LHFPL6: variants seen among roughly 807,000 people sequenced by gnomAD.
The protein encoded by LHFPL6 is LHFPL tetraspan subfamily member 6.
Under a neutral mutation model 20.6 loss-of-function variants are expected in LHFPL6, and 9 were observed. The ratio of observed to expected loss-of-function variants is 0.44; its 90% CI spans 0.26 to 0.76. LHFPL6 has a LOEUF of 0.76. Among genes scored for constraint, LHFPL6 ranks in the 30% least tolerant of loss-of-function variants. The pLI, the probability that LHFPL6 is intolerant of heterozygous loss-of-function variation, is 0.20. For missense variants in LHFPL6, 218 were observed against 253.5 expected, an observed-to-expected ratio of 0.86 and a Z score of 0.95; for synonymous variants, 105 against 98.7, an observed-to-expected ratio of 1.06 and a Z score of -0.38.
intron 2 of LHFPL6, among the ~76,000 whole-genome samples, chr13:39,413,982 T>A (rs543958852): frequency 6.6e-6 from 1 of 152,348 alleles, no homozygotes; most frequent in South Asian, 2.1e-4. Context: ...TCCATAGTGA[T>A]GAGTATAATT....
chr13:39,492,983 A>G lies in LHFPL6; in HGVS notation c.385+107849T>C, dbSNP rs1868978367. On this transcript the variant is annotated intron_variant, in intron 2 of 3. Coordinates refer to ENST00000379589, the MANE Select transcript of LHFPL6 (RefSeq NM_005780.3). ...GTGTGAGCCACTGCGCCCGGCCTCA[A>G]TATTCTTCTAAAACAATTTTAATAG... 2.0e-5 allele frequency among the ~76,000 whole-genome samples: 3 copies of G among 151,806 alleles called. No individual in the cohort carries two copies. In the South Asian group the frequency reaches 6.2e-4, roughly 32 times the overall value.
At chr13:39,481,895 G>T (rs952370125) in intron 2 of LHFPL6, among the ~76,000 whole-genome samples, 1 of 152,160 alleles carries the variant, frequency 6.6e-6, no homozygotes, top group Admixed American at 6.5e-5. Context: ...ATTGAAAGTT[G>T]AGAGCTGGAG....
At chr13:39,563,542 A>T (rs952991764) in intron 2 of LHFPL6, among the ~76,000 whole-genome samples, 1 of 152,218 alleles carries the variant, frequency 6.6e-6, no homozygotes, top group Non-Finnish European at 1.5e-5. Flanking sequence ...GTAAAAGCTC[A>T]CAAGTCAGCA....
chr13:39,537,744 G>GCA (rs1870663951), intron 2 of LHFPL6, among the ~76,000 whole-genome samples: 1 of 151,830 alleles, frequency 6.6e-6, no homozygotes, highest in Non-Finnish European at 1.5e-5. Flanking sequence ...CCCAAACAAA[G>GCA]CACAATTATC....
intron 3 of LHFPL6, among the ~76,000 whole-genome samples, chr13:39,349,652 T>C (rs1869506863): frequency 6.6e-6 from 1 of 152,294 alleles, no homozygotes; most frequent in East Asian, 1.9e-4. Flanking sequence ...GATATGTGCT[T>C]TGAAGAAAAA....
At chr13:39,361,677 G>A (rs550816607) in intron 3 of LHFPL6, among the ~76,000 whole-genome samples, 2 of 152,262 alleles carry the variant, frequency 1.3e-5, no homozygotes, top group East Asian at 1.9e-4. Context: ...GTCGCAAACC[G>A]TAAGCATAAA....
chr13:39,448,052 C>T (rs1287404096), intron 2 of LHFPL6, among the ~76,000 whole-genome samples: 2 of 152,180 alleles, frequency 1.3e-5, no homozygotes, highest in African/African-American at 4.8e-5. Flanking sequence ...ATCAATCACA[C>T]ATTCAGAACT....
intron 2 of LHFPL6, among the ~76,000 whole-genome samples, chr13:39,508,497 C>T (rs1273609760): frequency 2.0e-5 from 3 of 152,180 alleles, no homozygotes; most frequent in African/African-American, 7.2e-5. Flanking sequence ...TTCTATACTC[C>T]CCATCCTAGA....
At chr13:39,383,814 A>G (rs1593293025) in intron 2 of LHFPL6, among the ~76,000 whole-genome samples, 1 of 152,180 alleles carries the variant, frequency 6.6e-6, no homozygotes, top group Non-Finnish European at 1.5e-5. Context: ...CCACATTCAC[A>G]CCTGCAGCCA....
chr13:39,443,433 G>T (rs1872192886), intron 2 of LHFPL6, among the ~76,000 whole-genome samples: 1 of 152,138 alleles, frequency 6.6e-6, no homozygotes, highest in Non-Finnish European at 1.5e-5. Flanking sequence ...GAATGGGGTT[G>T]TTACTGTAAC....
chr13:39,539,748 C>A (rs1170917451), intron 2 of LHFPL6, among the ~76,000 whole-genome samples: 1 of 152,148 alleles, frequency 6.6e-6, no homozygotes, highest in African/African-American at 2.4e-5. Flanking sequence ...AGAATGATTT[C>A]CACAAACCCA....
At position 39,362,257 on chromosome 13, in the gene LHFPL6, A is replaced by C. The variant is rs780114412; in HGVS notation, c.484+16171T>G. Among the ~76,000 whole-genome samples, 35 of 152,046 alleles carry C rather than the reference A, an allele frequency of 2.3e-4. 1 individual carries two copies. The highest frequency in any genetic ancestry group is 3.7e-4 in the Non-Finnish European group (25 of 68,008). ...GAGTTGTCACGAGATCTGGTTGTTT[A>C]AAAGTGTGTAACACCTCCCCCTTTC... On this transcript the variant is annotated intron_variant, in intron 3 of 3. Coordinates refer to ENST00000379589, the MANE Select transcript of LHFPL6 (RefSeq NM_005780.3).
At position 39,395,833 on chromosome 13, in the gene LHFPL6, G is replaced by A. The variant is rs548210607; in HGVS notation, c.386-17307C>T. Among the ~76,000 whole-genome samples the A allele has an allele frequency of 2.8e-3, 434 of 152,310 alleles. 2 individuals carry two copies. The highest frequency in any genetic ancestry group is 4.0e-3 in the Non-Finnish European group (273 of 68,012). Reference sequence around the variant, plus strand: ...AGGGAAAAATCAGCCCTCAGTCTGTGGTAGGCTTTTCACCCAACTCTGAAT... The same window carrying A: ...AGGGAAAAATCAGCCCTCAGTCTGTAGTAGGCTTTTCACCCAACTCTGAAT... On this transcript the variant is annotated intron_variant, in intron 2 of 3. Coordinates refer to ENST00000379589, the MANE Select transcript of LHFPL6 (RefSeq NM_005780.3).
chr13:39,457,405 T>A (rs1872596267), intron 2 of LHFPL6, among the ~76,000 whole-genome samples: 1 of 152,192 alleles, frequency 6.6e-6, no homozygotes, highest in South Asian at 2.1e-4. Context: ...ATTAGGGAAA[T>A]GTGAATTGAA....
At chr13:39,458,426 G>A (rs1178536344) in intron 2 of LHFPL6, among the ~76,000 whole-genome samples, 2 of 152,184 alleles carry the variant, frequency 1.3e-5, no homozygotes, top group Non-Finnish European at 2.9e-5. Flanking sequence ...GCCAGGCGCG[G>A]TGGCTCATGC....
Position 39,442,596 on chromosome 13 carries a change from T to TTAGC in LHFPL6, c.386-64074_386-64071dup, listed in dbSNP as rs1298447764. 1.2e-4 allele frequency among the ~76,000 whole-genome samples: 18 copies of TTAGC among 152,260 alleles called. 1 individual carries two copies. Among genetic ancestry groups the TTAGC allele is most frequent in the Admixed American group, 1.1e-3 (17 of 15,290 alleles). ...AACCAATTCTGGGAACGATTGCTGA[T>TTAGC]TAGCTATGTAGCTCTAAGTGTCTAT... On this transcript the variant is annotated intron_variant, in intron 2 of 3. Transcript: ENST00000379589.
chr13:39,564,071 A>G (rs1871635255), intron 2 of LHFPL6, among the ~76,000 whole-genome samples: 1 of 152,114 alleles, frequency 6.6e-6, no homozygotes, highest in African/African-American at 2.4e-5. Context: ...GCTTCCCACC[A>G]TCGAGAGTCA....
chr13:39,388,195 A>T (rs1870616857), intron 2 of LHFPL6, among the ~76,000 whole-genome samples: 1 of 152,224 alleles, frequency 6.6e-6, no homozygotes, highest in Non-Finnish European at 1.5e-5. Context: ...CCTGCAGAAG[A>T]GAGTATACTT....
intron 2 of LHFPL6, among the ~76,000 whole-genome samples, chr13:39,556,407 C>T (rs1871305136): frequency 1.3e-5 from 2 of 152,144 alleles, no homozygotes; most frequent in African/African-American, 4.8e-5. Context: ...GAAGTCCAGA[C>T]TGAGATCTCA....
Sources: allele counts gnomAD v4.1 joint callset (sites outside exome capture counted in the v4.1 genomes callset), GRCh38; gene constraint gnomAD v4.1.1; transcripts MANE v1.5; gene names NCBI Gene and HGNC (gene_info 2026-07-23, HGNC 2026-07-21).